Variants in CDH7 observed in about 807,000 individuals in gnomAD.
The protein encoded by CDH7 is cadherin-7.
CDH7 carries 25 observed loss-of-function variants against 71.8 expected under a neutral mutation model. That is an observed-to-expected ratio of 0.35 (90% CI 0.25 to 0.49). CDH7 has a LOEUF of 0.49. Ranked by LOEUF, CDH7 falls within the 20% of genes least tolerant of loss-of-function variation. CDH7 has a pLI of 0.99. For missense variants in CDH7, 862 were observed against 974.6 expected (o/e 0.88, Z 1.54); for synonymous variants, 381 against 363.8 (o/e 1.05, Z -0.54).
chr18:65,877,220 G>A (rs559195339), intron 11 of CDH7, among the ~76,000 whole-genome samples: 1 of 152,118 alleles, frequency 6.6e-6, no homozygotes, highest in African/African-American at 2.4e-5. Context: ...GGACAAGATT[G>A]GGAAATAAAG....
chr18:65,819,909 A>G (rs8092627), intron 4 of CDH7, among the ~76,000 whole-genome samples: 144,356 of 150,228 alleles, frequency 0.96, 69,623 homozygotes, highest in East Asian at 1. Context: ...CGAAGCCTGA[A>G]TATGCAGAAC....
chr18:65,815,157 T>C (rs950789420), intron 4 of CDH7, among the ~76,000 whole-genome samples: 1 of 152,170 alleles, frequency 6.6e-6, no homozygotes, highest in African/African-American at 2.4e-5. Context: ...ATGGATAGAA[T>C]ATGTAGTTGG....
intron 1 of CDH7, among the ~76,000 whole-genome samples, chr18:65,755,598 T>C (rs1916007318): frequency 6.6e-6 from 1 of 152,188 alleles, no homozygotes; most frequent in South Asian, 2.1e-4. Flanking sequence ...AGGACTGTTT[T>C]CTCTCTAGTG....
At chr18:65,846,280 T>TG (rs1339138826) in intron 7 of CDH7, among the ~76,000 whole-genome samples, 1 of 152,048 alleles carries the variant, frequency 6.6e-6, no homozygotes, top group Admixed American at 6.6e-5. Flanking sequence ...AAAATCTCTG[T>TG]GGTCTTTATC....
chr18:65,789,524 T>A (rs191157996), intron 2 of CDH7, among the ~76,000 whole-genome samples: 22 of 152,026 alleles, frequency 1.4e-4, no homozygotes, highest in Admixed American at 5.9e-4. Context: ...TCTGAGCCAA[T>A]TTGCATTTTA....
intron 2 of CDH7, among the ~76,000 whole-genome samples, 161 bp from the exon 3 acceptor site, chr18:65,809,543 T>C (rs1352372156): frequency 1.3e-5 from 2 of 152,204 alleles, no homozygotes; most frequent in Admixed American, 1.3e-4. Flanking sequence ...AGCTGACACA[T>C]TCTAATAGCC....
intron 6 of CDH7, among the ~76,000 whole-genome samples, chr18:65,825,200 G>T (rs1317421658): frequency 6.6e-6 from 1 of 151,834 alleles, no homozygotes; most frequent in Non-Finnish European, 1.5e-5. Context: ...AACAACAGAT[G>T]CTATTATTTT....
chr18:65,859,981 A>G (rs937325235), intron 10 of CDH7, among the ~76,000 whole-genome samples, 156 bp downstream of exon 10: 2 of 152,220 alleles, frequency 1.3e-5, no homozygotes, highest in African/African-American at 4.8e-5. Flanking sequence ...CTATGGATTT[A>G]CTATCATGAA....
chr18:65,811,366 G>A (rs547938420), intron 3 of CDH7, among the ~76,000 whole-genome samples: 1 of 152,268 alleles, frequency 6.6e-6, no homozygotes, highest in South Asian at 2.1e-4. Flanking sequence ...TTACCACCAT[G>A]GCTCTAGCTG....
rs186364545 is a variant in CDH7 at position 65,796,602 on chromosome 18, C to G, written c.211-13102C>G. On this transcript the variant is annotated intron_variant, in intron 2 of 11. Transcript: ENST00000397968. ...GGAATAGAAGAGATCTTTAAGACCC[C>G]TTGGTTCAACCTGTTTTGTAGATGA... Among the ~76,000 whole-genome samples, 461 of 152,204 alleles carry G rather than the reference C, an allele frequency of 3.0e-3. 1 individual carries two copies. The highest frequency in any genetic ancestry group is 8.3e-3 in the African/African-American group (343 of 41,540).
rs1914409745 is a variant in CDH7, at chr18:65,887,783, G to A, written c.*6889G>A. 6.6e-6 allele frequency: 1 copy of A among 152,086 alleles called. No individual in the cohort carries two copies. The highest frequency in any genetic ancestry group is 1.5e-5 in the Non-Finnish European group (1 of 68,002). The allele number at this position is 152,086 out of a possible 1,614,324, so 9.4% of individuals were successfully genotyped here. A position where few individuals can be genotyped will look rare whatever the true frequency, so the allele number is the denominator to read the frequency against. ...CATACTGAGGGAGAATTGCACATTT[G>A]TAAAGTTTCTCTTTAGTAGAGATTT... On this transcript the variant is annotated 3_prime_UTR_variant, in exon 12 of 12. Coordinates refer to ENST00000397968, the MANE Select transcript of CDH7 (RefSeq NM_004361.5).
At position 65,834,013 on chromosome 18, in the gene CDH7, G is replaced by A. The variant is rs558524816; in HGVS notation, c.981+9182G>A. Among the ~76,000 whole-genome samples, 47 of 152,252 alleles carry A rather than the reference G, an allele frequency of 3.1e-4. 2 individuals are homozygous for A. In the South Asian group the frequency reaches 6.2e-3, roughly 20 times the overall value. On this transcript the variant is annotated intron_variant, in intron 6 of 11. Coordinates refer to ENST00000397968, the MANE Select transcript of CDH7 (RefSeq NM_004361.5). Reference sequence around the variant, plus strand: ...TTTATTTTGCTGAGTACAAGTCACAGATCATGTAAAATTGTCCTTCCTTTC... The same window carrying A: ...TTTATTTTGCTGAGTACAAGTCACAAATCATGTAAAATTGTCCTTCCTTTC...
Position 65,881,103 on chromosome 18 carries a change from G to C in CDH7, c.*209G>C, listed in dbSNP as rs1296490549. 2.2e-6 allele frequency: 1 copy of C among 454,770 alleles called. No homozygotes were observed. Among genetic ancestry groups the C allele is most frequent in the Non-Finnish European group, 3.8e-6 (1 of 263,538 alleles). The allele number at this position is 454,770 out of a possible 1,614,324, so 28.2% of individuals were successfully genotyped here. On this transcript the variant is annotated 3_prime_UTR_variant, in exon 12 of 12. Coordinates refer to ENST00000397968, the MANE Select transcript of CDH7 (RefSeq NM_004361.5). ...TTAGACTTATCTAAAGGACTGCACT[G>C]ACCACAGACTCTGAGCATTTGAAGG...
At chr18:65,801,546 T>G (rs1327785328) in intron 2 of CDH7, among the ~76,000 whole-genome samples, 1 of 152,122 alleles carries the variant, frequency 6.6e-6, no homozygotes, top group East Asian at 1.9e-4. Context: ...GGATTTAGAG[T>G]TAACAGTCAG....
chr18:65,859,189 G>A (rs1358311788), intron 9 of CDH7, 143 bp downstream of exon 9: 1 of 719,658 alleles, frequency 1.4e-6, no homozygotes, highest in Non-Finnish European at 2.3e-6. Context: ...TGTGTAGCAT[G>A]AACTAATATT....
At chr18:65,844,382 A>G (rs947707042) in intron 7 of CDH7, among the ~76,000 whole-genome samples, 3 of 151,856 alleles carry the variant, frequency 2.0e-5, no homozygotes, top group African/African-American at 7.3e-5. Context: ...TTCAAAAATG[A>G]AGCAATGCAT....
intron 2 of CDH7, among the ~76,000 whole-genome samples, chr18:65,764,034 C>T (rs564705951): frequency 7.2e-5 from 11 of 152,142 alleles, no homozygotes; most frequent in African/African-American, 2.6e-4. Context: ...TTACACTTCA[C>T]TCTGTCAGTT....
chr18:65,829,478 AAAAAC>A (rs939290186), intron 6 of CDH7, among the ~76,000 whole-genome samples: 5 of 151,084 alleles, frequency 3.3e-5, no homozygotes, highest in African/African-American at 1.2e-4. Flanking sequence ...AAAAAAAAAA[AAAAAC>A]TTGTGGTGCT....
intron 7 of CDH7, among the ~76,000 whole-genome samples, chr18:65,845,819 A>C (rs1470495803): frequency 6.6e-6 from 1 of 152,038 alleles, no homozygotes; most frequent in Admixed American, 6.6e-5. Flanking sequence ...GCAACTTGGG[A>C]GGCTGAAACA....
Sources: gnomAD v4.1 joint callset for allele counts (sites outside exome capture counted in the v4.1 genomes callset) on GRCh38, gnomAD v4.1.1 for gene constraint, MANE v1.5 for transcripts, NCBI Gene and HGNC (gene_info 2026-07-23, HGNC 2026-07-21) for gene names.